The following DDX60 variants were observed in gnomAD, a reference collection of about 807,000 sequenced individuals.
DDX60 encodes the protein probable ATP-dependent RNA helicase DDX60.
In DDX60, 165 loss-of-function variants were observed where a neutral mutation model predicts 212.8. The observed-to-expected ratio is 0.78, with a 90% CI of 0.68 to 0.88. The LOEUF (loss-of-function observed/expected upper bound fraction) is 0.88, where lower values mean the gene tolerates loss of function less well. Among genes scored for constraint, DDX60 ranks in the 40% least tolerant of loss-of-function variants. The pLI is 0.00. For synonymous variants in DDX60, 703 were observed against 685.3 expected (o/e 1.03, Z -0.40); for missense variants, 1,905 against 2,003.9 (o/e 0.95, Z 0.94).
Position 168,276,020 on chromosome 4 carries a change from C to A in DDX60, c.2140G>T (p.Ala714Ser). The stretch of plus-strand genomic sequence containing the variant: ...AGCTATTCTGATAATATTACCTGGG[C>A]TGGATGTAAAGAACTTGCCAACTCA... ...FDELASSLHPAQDAENDVKVK... is the reference protein window; with the variant it reads ...FDELASSLHPSQDAENDVKVK... The change falls in exon 15 of 38, where the codon GCC becomes TCC. Residue 714 changes from alanine (A) to serine (S), a missense_variant. Ala to Ser is a moderately conservative substitution (Grantham distance 99). Transcript: ENST00000393743. The A allele has an allele frequency of 6.2e-7, 1 of 1,609,700 alleles. No homozygotes were observed. Among genetic ancestry groups the A allele is most frequent in the Non-Finnish European group, 8.5e-7 (1 of 1,177,348 alleles).
At chr4:168,232,173 C>T (rs1733477402) in intron 33 of DDX60, among the ~76,000 whole-genome samples, 1 of 151,876 alleles carries the variant, frequency 6.6e-6, no homozygotes, top group African/African-American at 2.4e-5. Context: ...GGTGAAAGAC[C>T]TCTGCAAGGA....
intron 37 of DDX60, among the ~76,000 whole-genome samples, chr4:168,219,160 T>C (rs996336163): frequency 6.6e-6 from 1 of 151,214 alleles, no homozygotes; most frequent in African/African-American, 2.4e-5. Flanking sequence ...GGCATGGTGG[T>C]ATACACCTGT....
At chr4:168,265,171 A>G (rs1734789182) in intron 22 of DDX60, among the ~76,000 whole-genome samples, 1 of 152,216 alleles carries the variant, frequency 6.6e-6, no homozygotes, top group Non-Finnish European at 1.5e-5. Context: ...ATCCCTCACC[A>G]TGGTTGGATT....
chr4:168,239,375 A>AAGATAGAT (rs60160375), intron 30 of DDX60, among the ~76,000 whole-genome samples: 29,446 of 148,708 alleles, frequency 0.2, 2,918 homozygotes, highest in Middle Eastern at 0.23. Flanking sequence ...TGATAGAAGG[A>AAGATAGAT]AGATAGATAG....
At position 168,302,384 on chromosome 4, in the gene DDX60, G is replaced by C; in HGVS notation, c.639C>G (p.Thr213=). The part of the protein sequence containing the change: ...NKQNIKDAYT[T]LLNQLERFKL... The stretch of plus-strand genomic sequence containing the variant: ...TAAATCTTTCCAACTGGTTAAGCAG[G>C]GTTGTATAAGCATCTTTAATGTTCT... The change falls in exon 6 of 38, where the codon ACC becomes ACG. Residue 213 remains threonine, a synonymous_variant. Transcript: ENST00000393743. The C allele has an allele frequency of 6.3e-7, 1 of 1,575,036 alleles. No individual in the cohort carries two copies. The highest frequency in any genetic ancestry group is 8.6e-7 in the Non-Finnish European group (1 of 1,161,464).
chr4:168,307,346 T>C (rs1736928475), intron 4 of DDX60, among the ~76,000 whole-genome samples: 2 of 152,300 alleles, frequency 1.3e-5, no homozygotes, highest in South Asian at 4.1e-4. Context: ...CATATCTTTA[T>C]TTGAAATTGT....
chr4:168,281,922 C>T (rs960492088), intron 13 of DDX60, among the ~76,000 whole-genome samples: 1 of 152,134 alleles, frequency 6.6e-6, no homozygotes, highest in African/African-American at 2.4e-5. Context: ...ACCTTTGACC[C>T]TTTGCCATGT....
At chr4:168,231,294 C>A (rs1271105362) in intron 33 of DDX60, among the ~76,000 whole-genome samples, 1 of 151,772 alleles carries the variant, frequency 6.6e-6, no homozygotes, top group African/African-American at 2.4e-5. Flanking sequence ...AGATTTGGGA[C>A]CAAGCCTACT....
At position 168,283,520 on chromosome 4, in the gene DDX60, A is replaced by G. The variant is rs1490162422; in HGVS notation, c.1648T>C (p.Ser550Pro). 2 of 1,613,542 alleles carry G rather than the reference A, an allele frequency of 1.2e-6. No individual in the cohort carries two copies. Among genetic ancestry groups the G allele is most frequent in the Non-Finnish European group, 1.7e-6 (2 of 1,179,664 alleles). ...GTTTGAGTCACGATGATTTTCGAAG[A>G]GACTGTTTCTAATGAATTCCCATAA... ...RFYGNSLETV[S>P]SKIIVTQTIK... Residue 550 changes from serine to proline, a missense_variant, in exon 13 of 38, where the codon TCT (serine) becomes CCT (proline). Transcript: ENST00000393743.
Position 168,311,002 on chromosome 4 carries a change from C to G in DDX60, c.70G>C (p.Ala24Pro), listed in dbSNP as rs1402330944. ...SQLILNEMPK[A>P]EYSSLFNDFV... ...TATTACTATAATAATACTCACTCAGCTTTTGGCATTTCATTCAAAATTAAC... is the reference window on the plus strand; with the variant it reads ...TATTACTATAATAATACTCACTCAGGTTTTGGCATTTCATTCAAAATTAAC... The change falls in exon 3 of 38, where the codon GCT becomes CCT. Residue 24 changes from alanine (A) to proline (P), a missense_variant. Transcript: ENST00000393743. 7 of 1,553,958 alleles carry G rather than the reference C, an allele frequency of 4.5e-6. No individual in the cohort carries two copies. Among genetic ancestry groups the G allele is most frequent in the Non-Finnish European group, 6.2e-6 (7 of 1,128,842 alleles).
chr4:168,283,284 T>C (rs1735673412), intron 13 of DDX60, among the ~76,000 whole-genome samples, 162 bp downstream of exon 13: 1 of 152,098 alleles, frequency 6.6e-6, no homozygotes, highest in African/African-American at 2.4e-5. Context: ...TTAGGCTTTT[T>C]CAGCAAGAGG....
rs1470553961 is a variant in DDX60 at position 168,236,328 on chromosome 4, A to G, written c.4457T>C (p.Val1486Ala). The G allele has an allele frequency of 1.2e-6, 2 of 1,610,362 alleles. No homozygotes were observed. Among genetic ancestry groups the G allele is most frequent in the Non-Finnish European group, 1.7e-6 (2 of 1,178,060 alleles). ...TCTTCTTCCAAAGAGATGTGCCAAT[A>G]CTAATACTAGCTTTTCCATAACGTC... ...SQDVMEKLVL[V>A]LAHLFGRRYF... The change falls in exon 33 of 38, where the codon GTA becomes GCA. Residue 1486 changes from valine (V) to alanine (A), a missense_variant. Coordinates refer to ENST00000393743, the MANE Select transcript of DDX60 (RefSeq NM_017631.6).
intron 37 of DDX60, 156 bp downstream of exon 37, chr4:168,220,499 G>A (rs1192313002): frequency 1.9e-6 from 1 of 518,728 alleles, no homozygotes; most frequent in Non-Finnish European, 3.4e-6. Context: ...GTGTTGAACA[G>A]ACATTCTGCA....
At position 168,253,857 on chromosome 4, in the gene DDX60, C is replaced by T. The variant is rs574917119; in HGVS notation, c.3558-1201G>A. On this transcript the variant is annotated intron_variant, in intron 26 of 37. Coordinates refer to ENST00000393743, the MANE Select transcript of DDX60 (RefSeq NM_017631.6). ...ATACTGTGTTGTCCATCCATCACCC[C>T]TCAATGTAACATGCACCCAAGTCAC... Among the ~76,000 whole-genome samples, 10 of 152,278 alleles carry T rather than the reference C, an allele frequency of 6.6e-5. No homozygotes were observed. The East Asian group carries it at 1.9e-3, about 29-fold the overall frequency.
At chr4:168,273,479 G>C (rs541998714) in intron 17 of DDX60, 81 bp from the exon 18 acceptor site, 2 of 1,557,612 alleles carry the variant, frequency 1.3e-6, no homozygotes, top group South Asian at 2.4e-5. Context: ...CTGTCTAAAA[G>C]TGTGTCCTGC....
Position 168,225,101 on chromosome 4 carries a change from C to T in DDX60, c.4681+428G>A, listed in dbSNP as rs1578967577. Among the ~76,000 whole-genome samples, 7 of 152,028 alleles carry T rather than the reference C, an allele frequency of 4.6e-5. 1 individual carries two copies. Among genetic ancestry groups the T allele is most frequent in the Admixed American group, 3.9e-4 (6 of 15,246 alleles). On this transcript the variant is annotated intron_variant, in intron 34 of 37. Coordinates refer to ENST00000393743, the MANE Select transcript of DDX60 (RefSeq NM_017631.6). Reference sequence around the variant, plus strand: ...CTTTCTCATATATCTGTTCAGAAAACTAAGGCATGAGTATGGAGTCTCTTG... The same window carrying T: ...CTTTCTCATATATCTGTTCAGAAAATTAAGGCATGAGTATGGAGTCTCTTG...
intron 23 of DDX60, among the ~76,000 whole-genome samples, 168 bp from the exon 24 acceptor site, chr4:168,262,296 C>G (rs1734654293): frequency 6.6e-6 from 1 of 151,884 alleles, no homozygotes; most frequent in Non-Finnish European, 1.5e-5. Flanking sequence ...GATGGATGAG[C>G]TCTTCAAAAG....
At position 168,286,026 on chromosome 4, in the gene DDX60, G is replaced by T. The variant is rs1735830897; in HGVS notation, c.1340-528C>A. Among the ~76,000 whole-genome samples the T allele has an allele frequency of 2.8e-5, 4 of 144,740 alleles. 1 individual carries two copies. The South Asian group carries it at 9.1e-4, about 33-fold the overall frequency. 95.0% of individuals were successfully genotyped at this position (144,740 alleles called of 152,430 possible). ...AGGAGGGAGGGAAGGAAGGATGGAG[G>T]GAGGAAGGAAGGAAAGAAAAAAGAA... On this transcript the variant is annotated intron_variant, in intron 10 of 37. Coordinates refer to ENST00000393743, the MANE Select transcript of DDX60 (RefSeq NM_017631.6).
chr4:168,262,229 C>T, intron 23 of DDX60, 101 bp from the exon 24 acceptor site: 1 of 1,322,614 alleles, frequency 7.6e-7, no homozygotes, highest in African/African-American at 1.5e-5. Context: ...GTTTCTTGAG[C>T]ACAGAGATGG....
Sources: gnomAD v4.1 joint callset for allele counts (sites outside exome capture counted in the v4.1 genomes callset) on GRCh38, gnomAD v4.1.1 for gene constraint, MANE v1.5 for transcripts, NCBI Gene and HGNC (gene_info 2026-07-23, HGNC 2026-07-21) for gene names.